The following IL1RAPL2 variants were observed in gnomAD, a reference collection of about 807,000 sequenced individuals.
The protein encoded by IL1RAPL2 is X-linked interleukin-1 receptor accessory protein-like 2.
IL1RAPL2 carries 3 observed loss-of-function variants against 44.1 expected under a neutral mutation model. The observed-to-expected ratio is 0.07, with a 90% CI of 0.03 to 0.18. IL1RAPL2 has a LOEUF of 0.18. IL1RAPL2 is among the 10% of genes least tolerant of loss of function. IL1RAPL2 has a pLI of 1.00. For synonymous variants in IL1RAPL2, 181 were observed against 178.8 expected (o/e 1.01, Z -0.10); for missense variants, 391 against 496.4 (o/e 0.79, Z 2.02).
chrX:104,967,781 A>T (rs2030155268), intron 2 of IL1RAPL2, among the ~76,000 whole-genome samples: 1 of 111,594 alleles, frequency 9.0e-6, no homozygotes, highest in African/African-American at 3.2e-5. Context: ...TTATACCAAT[A>T]TACATGAGAA....
chrX:104,931,188 G>T (rs1012242158), intron 2 of IL1RAPL2, among the ~76,000 whole-genome samples: 1 of 110,011 alleles, frequency 9.1e-6, no homozygotes, highest in African/African-American at 3.3e-5. Flanking sequence ...CAAGAGAGTT[G>T]GTTTACCCAA....
chrX:105,749,192 C>A, intron 9 of IL1RAPL2, 89 bp downstream of exon 9: 1 of 954,443 alleles, frequency 1.0e-6, no homozygotes, highest in Non-Finnish European at 1.4e-6. Context: ...AAAGTATAAG[C>A]TGAAATATTT....
intron 5 of IL1RAPL2, among the ~76,000 whole-genome samples, chrX:105,367,224 G>A (rs1429547291): frequency 9.0e-6 from 1 of 111,450 alleles, no homozygotes; most frequent in Non-Finnish European, 1.9e-5. Flanking sequence ...TGTCTTTAGA[G>A]ATAAAGTGAG....
chrX:105,319,155 T>C lies in IL1RAPL2; in HGVS notation c.697+51614T>C, dbSNP rs764842749. 2.7e-5 allele frequency among the ~76,000 whole-genome samples: 3 copies of C among 111,926 alleles called. No homozygotes were observed. The South Asian group carries it at 1.1e-3, about 42-fold the overall frequency. The stretch of plus-strand genomic sequence containing the variant: ...AGGAGCTTTGAGATGAGCTTTTTCT[T>C]TCTGTGTTGGCTATGTTTAGATTTC... On this transcript the variant is annotated intron_variant, in intron 5 of 10. Transcript: ENST00000372582.
At chrX:105,142,384 T>C (rs1461852392) in intron 2 of IL1RAPL2, among the ~76,000 whole-genome samples, 1 of 111,482 alleles carries the variant, frequency 9.0e-6, no homozygotes, top group Non-Finnish European at 1.9e-5. Flanking sequence ...TGTTTTGTGC[T>C]GTTCATTTCT....
intron 5 of IL1RAPL2, among the ~76,000 whole-genome samples, chrX:105,324,326 A>G (rs1033520705): frequency 2.7e-5 from 3 of 111,507 alleles, no homozygotes; most frequent in Non-Finnish European, 5.7e-5. Context: ...CACATTCTCC[A>G]TGTGTGGTCC....
At chrX:104,846,269 C>T (rs1922048333) in intron 2 of IL1RAPL2, among the ~76,000 whole-genome samples, 1 of 110,234 alleles carries the variant, frequency 9.1e-6, no homozygotes, top group Non-Finnish European at 1.9e-5. Flanking sequence ...CATATGTATA[C>T]ATGTGCCATG....
chrX:105,409,394 G>T (rs1049589588), intron 5 of IL1RAPL2, among the ~76,000 whole-genome samples: 2 of 111,817 alleles, frequency 1.8e-5, no homozygotes, highest in Non-Finnish European at 3.8e-5. Flanking sequence ...TATGTTCTAG[G>T]CATTGTCTTA....
intron 6 of IL1RAPL2, among the ~76,000 whole-genome samples, chrX:105,702,148 A>G (rs2038124457): frequency 9.0e-6 from 1 of 111,677 alleles, no homozygotes; most frequent in South Asian, 3.7e-4. Context: ...TTTGCAAGGA[A>G]CTAGAAGTAA....
intron 2 of IL1RAPL2, among the ~76,000 whole-genome samples, chrX:104,910,031 C>A (rs889198619): frequency 8.0e-5 from 9 of 112,636 alleles, no homozygotes; most frequent in African/African-American, 2.9e-4. Flanking sequence ...ACCCTCCGAG[C>A]CAGGTGGGGA....
At chrX:105,526,878 T>C (rs1272276824) in intron 6 of IL1RAPL2, among the ~76,000 whole-genome samples, 1 of 111,696 alleles carries the variant, frequency 9.0e-6, no homozygotes, top group Non-Finnish European at 1.9e-5. Context: ...GTATTTCGTG[T>C]ATATCAAAGT....
chrX:104,655,235 C>T (rs1434694382), intron 1 of IL1RAPL2, among the ~76,000 whole-genome samples: 2 of 111,687 alleles, frequency 1.8e-5, no homozygotes, highest in Non-Finnish European at 3.8e-5. Context: ...TGAGAGAGGG[C>T]ATCCCTGTTG....
chrX:104,809,182 G>A (rs1440405785), intron 2 of IL1RAPL2, among the ~76,000 whole-genome samples: 2 of 111,597 alleles, frequency 1.8e-5, no homozygotes, highest in Non-Finnish European at 3.8e-5. Flanking sequence ...AACACTTGAT[G>A]CCTCTCTCTG....
chrX:105,222,497 G>T (rs1443533203), intron 3 of IL1RAPL2, among the ~76,000 whole-genome samples: 2 of 111,943 alleles, frequency 1.8e-5, no homozygotes, highest in African/African-American at 6.5e-5. Context: ...CAGTGGAAAG[G>T]GTTCATGTTT....
chrX:104,948,669 A>C (rs1171820783), intron 2 of IL1RAPL2, among the ~76,000 whole-genome samples: 4 of 111,278 alleles, frequency 3.6e-5, no homozygotes, highest in African/African-American at 1.3e-4. Context: ...GCATCTATTG[A>C]GATAATCATG....
rs761633657 is a variant in IL1RAPL2 at position 105,015,317 on chromosome X, T to C, written c.83-180158T>C. Among the ~76,000 whole-genome samples, 29 of 111,565 alleles carry C rather than the reference T, an allele frequency of 2.6e-4. 1 individual carries two copies. The highest frequency in any genetic ancestry group is 2.9e-4 in the Admixed American group (3 of 10,479). Reference sequence around the variant, plus strand: ...CTGTGCAGGAGCTCTTTAGTTTAATTAGATCCCGTTTGTGAATTTTGGCTT... The same window carrying C: ...CTGTGCAGGAGCTCTTTAGTTTAATCAGATCCCGTTTGTGAATTTTGGCTT... On this transcript the variant is annotated intron_variant, in intron 2 of 10. Coordinates refer to ENST00000372582, the MANE Select transcript of IL1RAPL2 (RefSeq NM_017416.2).
At chrX:104,780,615 T>C (rs1932765771) in intron 2 of IL1RAPL2, among the ~76,000 whole-genome samples, 1 of 111,712 alleles carries the variant, frequency 9.0e-6, no homozygotes, top group Admixed American at 9.6e-5. Flanking sequence ...CCTCTCTATT[T>C]CTATAGAGCA....
chrX:105,457,033 TACACACACACACAC>T (rs58305468), intron 5 of IL1RAPL2, among the ~76,000 whole-genome samples: 129 of 85,322 alleles, frequency 1.5e-3, no homozygotes, highest in African/African-American at 4.9e-3. Flanking sequence ...TCTAAAGTTA[TACACACACACACAC>T]ACACACACAC....
chrX:105,753,652 C>G (rs931790702), intron 9 of IL1RAPL2, among the ~76,000 whole-genome samples: 1 of 111,461 alleles, frequency 9.0e-6, no homozygotes, highest in Non-Finnish European at 1.9e-5. Flanking sequence ...TTATGCACAA[C>G]AGTGGAATGC....
Sources: allele counts gnomAD v4.1 joint callset (sites outside exome capture counted in the v4.1 genomes callset), GRCh38; gene constraint gnomAD v4.1.1; transcripts MANE v1.5; gene names NCBI Gene and HGNC (gene_info 2026-07-23, HGNC 2026-07-21).